OCA2: variants seen among roughly 807,000 people sequenced by gnomAD.
OCA2 encodes OCA2 melanosomal transmembrane protein.
In OCA2, 77 loss-of-function variants were observed where a neutral mutation model predicts 100.2. That is an observed-to-expected ratio of 0.77 (90% CI 0.64 to 0.93). The LOEUF (loss-of-function observed/expected upper bound fraction) is 0.93, where lower values mean the gene tolerates loss of function less well. Among genes scored for constraint, OCA2 ranks in the 40% least tolerant of loss-of-function variants. The pLI, the probability that OCA2 is intolerant of heterozygous loss-of-function variation, is 0.00. For synonymous variants in OCA2, 432 were observed against 439.2 expected (o/e 0.98, Z 0.21); for missense variants, 1,062 against 1,089.1 (o/e 0.98, Z 0.35).
chr15:27,830,083 T>C (rs1192290158), intron 23 of OCA2, among the ~76,000 whole-genome samples: 2 of 152,202 alleles, frequency 1.3e-5, no homozygotes, highest in African/African-American at 4.8e-5. Context: ...CATATAAAAA[T>C]ATAAATAAGA....
intron 17 of OCA2, among the ~76,000 whole-genome samples, chr15:27,954,818 G>A (rs184666113): frequency 1.2e-4 from 19 of 152,270 alleles, no homozygotes; most frequent in Middle Eastern, 3.4e-3. Context: ...ATGCCTTGCC[G>A]GTCTCCCCTC....
intron 19 of OCA2, among the ~76,000 whole-genome samples, chr15:27,891,851 G>GA: frequency 6.6e-6 from 1 of 151,722 alleles, no homozygotes; most frequent in African/African-American, 2.4e-5. Context: ...AGAAAGGATT[G>GA]AAAAAATAAC....
intron 15 of OCA2, among the ~76,000 whole-genome samples, chr15:27,960,692 C>T (rs770866149): frequency 7.2e-5 from 11 of 152,144 alleles, no homozygotes; most frequent in Middle Eastern, 3.4e-3. Flanking sequence ...CACCTGAGGT[C>T]GGGAGTTCGA....
chr15:27,992,316 G>T (rs562771879), intron 9 of OCA2, among the ~76,000 whole-genome samples: 1 of 152,290 alleles, frequency 6.6e-6, no homozygotes, highest in Non-Finnish European at 1.5e-5. Context: ...GGCCAGGCTG[G>T]TCTCCAACTC....
intron 15 of OCA2, 131 bp downstream of exon 15, chr15:27,966,559 C>T (rs370369209): frequency 4.3e-6 from 4 of 941,014 alleles, no homozygotes; most frequent in East Asian, 2.5e-5. Context: ...AGAAGGTGGA[C>T]GTGGAGAGTC....
chr15:27,869,705 CG>C (rs1203503402), intron 21 of OCA2, among the ~76,000 whole-genome samples: 1 of 152,224 alleles, frequency 6.6e-6, no homozygotes, highest in African/African-American at 2.4e-5. Context: ...GAGGCTGTGT[CG>C]GGGTCCTGCG....
intron 23 of OCA2, among the ~76,000 whole-genome samples, chr15:27,764,777 A>G (rs1290327044): frequency 4.6e-5 from 7 of 152,200 alleles, no homozygotes; most frequent in Non-Finnish European, 1.5e-5. Flanking sequence ...GTCCTGATCC[A>G]GACCCCAAGA....
At chr15:27,903,880 T>C (rs1156569004) in intron 19 of OCA2, among the ~76,000 whole-genome samples, 1 of 152,252 alleles carries the variant, frequency 6.6e-6, no homozygotes, top group East Asian at 1.9e-4. Context: ...TGGTATTGTA[T>C]AGTATTGTAA....
chr15:27,913,227 A>G (rs1302262218), intron 19 of OCA2, among the ~76,000 whole-genome samples: 1 of 152,170 alleles, frequency 6.6e-6, no homozygotes, highest in East Asian at 1.9e-4. Flanking sequence ...TGGTTTCGAT[A>G]GTTTTATCAC....
intron 23 of OCA2, among the ~76,000 whole-genome samples, chr15:27,837,768 A>C (rs1358787320): frequency 6.6e-6 from 1 of 151,690 alleles, no homozygotes; most frequent in Non-Finnish European, 1.5e-5. Flanking sequence ...ACAGGCAGGC[A>C]GGCGTGCCCA....
chr15:27,796,350 T>C (rs952361355), intron 23 of OCA2, among the ~76,000 whole-genome samples: 1 of 152,264 alleles, frequency 6.6e-6, no homozygotes, highest in Admixed American at 6.5e-5. Flanking sequence ...CTGAGGGGCA[T>C]GAGCAAGCCC....
intron 2 of OCA2, among the ~76,000 whole-genome samples, chr15:28,045,827 A>G (rs2311805): frequency 0.076 from 11,584 of 152,244 alleles, 1,498 homozygotes; most frequent in African/African-American, 0.27. Context: ...ACTAGTCTCT[A>G]AAACAGGGTG....
intron 14 of OCA2, among the ~76,000 whole-genome samples, chr15:27,977,290 C>T (rs1443847118): frequency 6.6e-6 from 1 of 152,074 alleles, no homozygotes; most frequent in East Asian, 1.9e-4. Flanking sequence ...TTTAATTTCT[C>T]TTTCTGATTC....
intron 23 of OCA2, among the ~76,000 whole-genome samples, chr15:27,807,519 G>A (rs897484841): frequency 2.0e-5 from 3 of 152,112 alleles, no homozygotes; most frequent in Non-Finnish European, 4.4e-5. Context: ...GTCAGGGAAG[G>A]CACCTTCGTC....
intron 18 of OCA2, among the ~76,000 whole-genome samples, chr15:27,947,136 AT>A (rs1174527591): frequency 2.0e-5 from 3 of 152,250 alleles, no homozygotes; most frequent in Non-Finnish European, 4.4e-5. Context: ...TTGGGTCTTC[AT>A]TCTGAAGGCT....
At chr15:27,971,814 T>C (rs2040802069) in intron 14 of OCA2, among the ~76,000 whole-genome samples, 2 of 150,926 alleles carry the variant, frequency 1.3e-5, no homozygotes, top group Admixed American at 1.3e-4. Flanking sequence ...TAAGTATTCA[T>C]TTTCTTTGTG....
chr15:27,891,665 CT>C (rs1465457747), intron 19 of OCA2, among the ~76,000 whole-genome samples: 1 of 152,144 alleles, frequency 6.6e-6, no homozygotes, highest in Non-Finnish European at 1.5e-5. Context: ...TCAAGTTTTG[CT>C]TTTTGGAAGT....
At chr15:27,761,877 C>T (rs1245413408) in intron 23 of OCA2, among the ~76,000 whole-genome samples, 3 of 152,076 alleles carry the variant, frequency 2.0e-5, no homozygotes, top group Admixed American at 6.5e-5. Flanking sequence ...CAGTCTGGAG[C>T]GCATTGGCGT....
At chr15:27,853,689 C>T (rs1233737547) in intron 21 of OCA2, among the ~76,000 whole-genome samples, 2 of 151,996 alleles carry the variant, frequency 1.3e-5, no homozygotes, top group African/African-American at 4.8e-5. Flanking sequence ...CGGGAGGCTC[C>T]GGAGAATGGA....
Sources: allele counts gnomAD v4.1 joint callset (sites outside exome capture counted in the v4.1 genomes callset), GRCh38; gene constraint gnomAD v4.1.1; transcripts MANE v1.5; gene names NCBI Gene and HGNC (gene_info 2026-07-23, HGNC 2026-07-21).